POT1: variants seen among roughly 807,000 people sequenced by gnomAD.
POT1 encodes protection of telomeres protein 1.
Under a neutral mutation model 78.5 loss-of-function variants are expected in POT1, and 47 were observed. The observed-to-expected ratio is 0.60, with a 90% CI of 0.47 to 0.76. The LOEUF is 0.76. Ranked by LOEUF, POT1 falls within the 30% of genes least tolerant of loss-of-function variation. The pLI is 0.00. For missense variants in POT1, 646 were observed against 749.9 expected, an observed-to-expected ratio of 0.86 and a Z score of 1.62; for synonymous variants, 259 against 260.7, an observed-to-expected ratio of 0.99 and a Z score of 0.06.
rs144540872 is a variant in POT1, at chr7:124,906,455, C to A, written c.-153-8081G>T. ...ACTGAACAATGAGAACACTTGGACA[C>A]AGGGTGGGGAACATCACACACCGGG... On this transcript the variant is annotated intron_variant, in intron 3 of 18. Transcript: ENST00000357628. 8.7e-4 allele frequency among the ~76,000 whole-genome samples: 117 copies of A among 134,820 alleles called. No individual in the cohort carries two copies. In the East Asian group the frequency reaches 0.018, roughly 21 times the overall value. 88.4% of individuals were successfully genotyped at this position (134,820 alleles called of 152,430 possible). A position where few individuals can be genotyped will look rare whatever the true frequency, so the allele number is the denominator to read the frequency against.
chr7:124,897,417 G>C (rs1041336295), intron 4 of POT1, among the ~76,000 whole-genome samples: 1 of 151,642 alleles, frequency 6.6e-6, no homozygotes. Context: ...AAAGATATAA[G>C]GTCAAATGAA....
intron 2 of POT1, among the ~76,000 whole-genome samples, chr7:124,924,002 C>T (rs1408562496): frequency 2.0e-5 from 3 of 150,828 alleles, no homozygotes; most frequent in South Asian, 2.1e-4. Flanking sequence ...GCAAACAACG[C>T]GGGACTCAGT....
chr7:124,890,598 C>T (rs1230042510), intron 6 of POT1, among the ~76,000 whole-genome samples: 2 of 151,794 alleles, frequency 1.3e-5, no homozygotes, highest in Non-Finnish European at 2.9e-5. Flanking sequence ...GTCACAGCTA[C>T]ACCAGTCTTC....
chr7:124,869,393 T>C (rs1338891106), intron 7 of POT1, among the ~76,000 whole-genome samples: 3 of 152,154 alleles, frequency 2.0e-5, no homozygotes, highest in Non-Finnish European at 2.9e-5. Context: ...GGTTATATTG[T>C]GAATGATGAG....
At chr7:124,917,178 G>T (rs990579020) in intron 2 of POT1, among the ~76,000 whole-genome samples, 7 of 152,082 alleles carry the variant, frequency 4.6e-5, no homozygotes, top group Non-Finnish European at 7.4e-5. Flanking sequence ...ACCAAGACAG[G>T]CTTCATCAGA....
At chr7:124,904,877 T>G (rs576099274) in intron 3 of POT1, among the ~76,000 whole-genome samples, 1 of 152,102 alleles carries the variant, frequency 6.6e-6, no homozygotes, top group Non-Finnish European at 1.5e-5. Flanking sequence ...AAATCATGAG[T>G]GAACTCCCAT....
chr7:124,864,190 C>T (rs946708381), intron 7 of POT1, among the ~76,000 whole-genome samples: 4 of 152,138 alleles, frequency 2.6e-5, no homozygotes, highest in African/African-American at 9.6e-5. Flanking sequence ...ATGAAGTGAC[C>T]CCTTTGTCCT....
At chr7:124,849,047 A>T (rs2116491895) in intron 11 of POT1, among the ~76,000 whole-genome samples, 1 of 152,316 alleles carries the variant, frequency 6.6e-6, no homozygotes, top group Admixed American at 6.5e-5. Context: ...TATTATACAT[A>T]ACAGTACATT....
At position 124,822,434 on chromosome 7, in the gene POT1, G is replaced by A; in HGVS notation, c.*1528C>T. The A allele has an allele frequency of 2.8e-6, 1 of 356,822 alleles. No homozygotes were observed. Among genetic ancestry groups the A allele is most frequent in the Non-Finnish European group, 6.0e-6 (1 of 165,676 alleles). The allele number at this position is 356,822 out of a possible 1,614,324, so 22.1% of individuals were successfully genotyped here. On this transcript the variant is annotated 3_prime_UTR_variant, in exon 19 of 19. Transcript: ENST00000357628. ...TAAAACAAAAATAAGAAGAGACATGGCCTATCATCATGAAGATTCATAGGA... is the reference window on the plus strand; with the variant it reads ...TAAAACAAAAATAAGAAGAGACATGACCTATCATCATGAAGATTCATAGGA...
chr7:124,920,675 T>A (rs200915786), intron 2 of POT1, among the ~76,000 whole-genome samples: 464 of 136,978 alleles, frequency 3.4e-3, no homozygotes, highest in Non-Finnish European at 5.5e-3. Context: ...TCTTTTTTTT[T>A]AAAAAAGTGA....
chr7:124,829,360 A>G lies in POT1; in HGVS notation c.1506-18T>C, dbSNP rs1397404022. 5 of 1,425,002 alleles carry G rather than the reference A, an allele frequency of 3.5e-6. No homozygotes were observed. The Admixed American group carries it at 5.7e-5, about 16-fold the overall frequency. 88.3% of individuals were successfully genotyped at this position (1,425,002 alleles called of 1,614,324 possible). ...GTTTACATCTGAAATTTATAAAAGA[A>G]AGAACCATAAATATTTAAAAATAAT... On this transcript the variant is annotated intron_variant, in intron 15 of 18. Transcript: ENST00000357628.
intron 7 of POT1, 133 bp from the exon 8 acceptor site, chr7:124,863,773 A>G (rs1157075433): frequency 4.4e-6 from 3 of 674,942 alleles, no homozygotes; most frequent in Non-Finnish European, 7.5e-6. Flanking sequence ...TTTAAAAACT[A>G]TTTTTCATTT....
chr7:124,926,206 G>C (rs1384290232), intron 2 of POT1, among the ~76,000 whole-genome samples: 3 of 152,058 alleles, frequency 2.0e-5, no homozygotes, highest in Non-Finnish European at 4.4e-5. Context: ...ACATTCAACA[G>C]AGGACTAATA....
chr7:124,909,587 A>G (rs994166194), intron 3 of POT1, among the ~76,000 whole-genome samples: 1 of 151,832 alleles, frequency 6.6e-6, no homozygotes, highest in Non-Finnish European at 1.5e-5. Flanking sequence ...ATGTGACCTC[A>G]GTCTTCACAT....
In POT1 at chr7:124,859,123, A is replaced by T; in HGVS notation, c.547-11T>A. Reference sequence around the variant, plus strand: ...GGTGCCATCCCATACCTGCCATAAGAGAGTAGAGTAGTTTTATGATCCTTT... The same window carrying T: ...GGTGCCATCCCATACCTGCCATAAGTGAGTAGAGTAGTTTTATGATCCTTT... On this transcript the variant is annotated splice_polypyrimidine_tract_variant and intron_variant, in intron 8 of 18. Coordinates refer to ENST00000357628, the MANE Select transcript of POT1 (RefSeq NM_015450.3). The T allele has an allele frequency of 6.6e-7, 1 of 1,510,488 alleles. No homozygotes were observed. The allele number at this position is 1,510,488 out of a possible 1,614,324, so 93.6% of individuals were successfully genotyped here.
intron 11 of POT1, among the ~76,000 whole-genome samples, chr7:124,849,806 A>G (rs1271759650): frequency 3.3e-5 from 5 of 152,144 alleles, no homozygotes. Context: ...GCCCAGAAAA[A>G]AAGATCTATA....
Position 124,863,433 on chromosome 7 carries a change from C to G in POT1, c.463G>C (p.Asp155His). 2 of 1,613,934 alleles carry G rather than the reference C, an allele frequency of 1.2e-6. No homozygotes were observed. The highest frequency in any genetic ancestry group is 1.7e-6 in the Non-Finnish European group (2 of 1,179,848). The change falls in exon 8 of 19, where the codon GAT becomes CAT. Residue 155 changes from aspartate (D) to histidine (H), a missense_variant. Physicochemically the swap from Asp to His is moderately conservative, Grantham distance 81. Transcript: ENST00000357628. ...TCAAAATACTGCATTGGCTGAACAT[C>G]ACACAATTTTAGTAATGTCCAAGAC... ...SPSWTLLKLC[D>H]VQPMQYFDLT...
chr7:124,914,417 A>G (rs1433731527), intron 3 of POT1, among the ~76,000 whole-genome samples: 1 of 152,116 alleles, frequency 6.6e-6, no homozygotes, highest in African/African-American at 2.4e-5. Flanking sequence ...TCTGCAGCTC[A>G]TTTTAGGTAG....
chr7:124,859,157 T>C, intron 8 of POT1, 45 bp from the exon 9 acceptor site: 1 of 1,416,420 alleles, frequency 7.1e-7, no homozygotes, highest in Non-Finnish European at 9.3e-7. Context: ...TTTGAAAAAA[T>C]GCTTGTGCTA....
Sources: allele counts gnomAD v4.1 joint callset (sites outside exome capture counted in the v4.1 genomes callset), GRCh38; gene constraint gnomAD v4.1.1; transcripts MANE v1.5; gene names NCBI Gene and HGNC (gene_info 2026-07-23, HGNC 2026-07-21).